DGKK: variants seen among roughly 807,000 people sequenced by gnomAD.
The protein encoded by DGKK is 142 kDa diacylglycerol kinase.
In DGKK, 35 loss-of-function variants were observed where a neutral mutation model predicts 92.2. That is an observed-to-expected ratio of 0.38 (90% confidence interval 0.29 to 0.50). The LOEUF is 0.50. Ranked by LOEUF, DGKK falls within the 20% of genes least tolerant of loss-of-function variation. The pLI, the probability that DGKK is intolerant of heterozygous loss-of-function variation, is 0.92. For synonymous variants in DGKK, 368 were observed against 360.6 expected, an observed-to-expected ratio of 1.02 and a Z score of -0.23; for missense variants, 910 against 992.2, an observed-to-expected ratio of 0.92 and a Z score of 1.11.
At chrX:50,395,972 G>A (rs1299420778) in intron 8 of DGKK, among the ~76,000 whole-genome samples, 1 of 111,127 alleles carries the variant, frequency 9.0e-6, no homozygotes, top group Non-Finnish European at 1.9e-5. Context: ...CCATTTCTTG[G>A]AATTTTTCAT....
In DGKK at chrX:50,457,610, G is replaced by T. The variant is rs782323788; in HGVS notation, c.645+12424C>A. 4.5e-5 allele frequency among the ~76,000 whole-genome samples: 5 copies of T among 111,351 alleles called. No homozygotes were observed. The East Asian group carries it at 1.4e-3, about 32-fold the overall frequency. On this transcript the variant is annotated intron_variant, in intron 1 of 27. Coordinates refer to ENST00000611977, the MANE Select transcript of DGKK (RefSeq NM_001013742.4). ...AAATTCTAAATAAATAATAAACAAC[G>T]GATTAAAGTTATGTAGAATTAGCTC...
chrX:50,405,352 T>C (rs1249930673), intron 4 of DGKK, among the ~76,000 whole-genome samples: 1 of 111,870 alleles, frequency 8.9e-6, no homozygotes, highest in East Asian at 2.8e-4. Flanking sequence ...TCTTACACCT[T>C]TTCACTAATT....
intron 20 of DGKK, 124 bp downstream of exon 20, chrX:50,379,503 G>C: frequency 1.8e-6 from 1 of 548,399 alleles, no homozygotes; most frequent in Non-Finnish European, 3.0e-6. Context: ...GCTAATAAAG[G>C]TTCTCGGACC....
intron 22 of DGKK, 25 bp from the exon 23 acceptor site, chrX:50,376,943 C>A: frequency 2.6e-6 from 3 of 1,163,130 alleles, no homozygotes; most frequent in Non-Finnish European, 3.5e-6. Flanking sequence ...AGTGGCATAT[C>A]CTAATGATTG....
At chrX:50,462,387 G>T (rs986790877) in intron 1 of DGKK, among the ~76,000 whole-genome samples, 3 of 90,346 alleles carry the variant, frequency 3.3e-5, no homozygotes, top group Non-Finnish European at 6.3e-5. Flanking sequence ...GGAGAAGTGA[G>T]TGCTTTTTTT....
At chrX:50,370,904 T>A (rs782515323) in intron 26 of DGKK, among the ~76,000 whole-genome samples, 1 of 112,397 alleles carries the variant, frequency 8.9e-6, no homozygotes, top group African/African-American at 3.2e-5. Context: ...ATTAGAAGGA[T>A]GAGATTGCTA....
At chrX:50,443,712 G>A (rs1393854089) in intron 1 of DGKK, among the ~76,000 whole-genome samples, 1 of 108,570 alleles carries the variant, frequency 9.2e-6, no homozygotes, top group Non-Finnish European at 1.9e-5. Context: ...TTTTGTGTGT[G>A]TGTGTGTGTG....
intron 4 of DGKK, among the ~76,000 whole-genome samples, chrX:50,413,978 A>G (rs1166944909): frequency 1.8e-5 from 2 of 112,295 alleles, no homozygotes; most frequent in African/African-American, 3.2e-5. Flanking sequence ...CAACAAATGA[A>G]TGATTAAATA....
chrX:50,388,597 C>A lies in DGKK; in HGVS notation c.1948G>T (p.Glu650Ter). ...RFEAAAIQHL[E>*]SAATELNKIL... is the part of the protein sequence containing the mutation. ...TTGTTCAACTCGGTGGCTGCAGATT[C>A]TAAGTGTTGGATGGCAGCAGCCTAG... The change falls in exon 13 of 28, where the codon GAA becomes TAA. Residue 650 changes from glutamate (E) to a stop codon, truncating the protein, a stop_gained. Transcript: ENST00000611977. LOFTEE classifies it high-confidence loss of function. 8.3e-7 allele frequency: 1 copy of A among 1,206,504 alleles called. No individual in the cohort carries two copies. The highest frequency in any genetic ancestry group is 1.1e-6 in the Non-Finnish European group (1 of 892,638).
intron 1 of DGKK, among the ~76,000 whole-genome samples, chrX:50,433,848 A>T: frequency 9.0e-6 from 1 of 111,198 alleles, no homozygotes; most frequent in Non-Finnish European, 1.9e-5. Context: ...GGTCACACAA[A>T]GTTCCTCCAA....
At chrX:50,445,547 C>T (rs782114204) in intron 1 of DGKK, among the ~76,000 whole-genome samples, 26 of 111,113 alleles carry the variant, frequency 2.3e-4, no homozygotes, top group Non-Finnish European at 4.7e-4. Context: ...AGTCTTTTCC[C>T]TATTGCTTGT....
intron 14 of DGKK, 85 bp downstream of exon 14, chrX:50,387,469 C>A: frequency 1.4e-6 from 1 of 708,432 alleles, no homozygotes; most frequent in Non-Finnish European, 2.1e-6. Flanking sequence ...TTTACCATTC[C>A]CAGTGAGAGG....
intron 1 of DGKK, among the ~76,000 whole-genome samples, chrX:50,440,888 A>T (rs1410622549): frequency 8.0e-5 from 9 of 112,139 alleles, no homozygotes; most frequent in African/African-American, 2.9e-4. Context: ...AATGTGGGGA[A>T]GTGAGTATAG....
At chrX:50,396,051 T>G (rs1269607379) in intron 8 of DGKK, among the ~76,000 whole-genome samples, 1 of 112,160 alleles carries the variant, frequency 8.9e-6, no homozygotes, top group East Asian at 2.8e-4. Context: ...AGCAAAAGAC[T>G]GAAAACTACT....
At chrX:50,429,927 A>C (rs1161384466) in intron 1 of DGKK, among the ~76,000 whole-genome samples, 9 of 112,239 alleles carry the variant, frequency 8.0e-5, no homozygotes, top group Middle Eastern at 4.6e-3. Flanking sequence ...GCTTCTCATC[A>C]GCCCTCTGAA....
chrX:50,466,793 A>G (rs1462216379), intron 1 of DGKK, among the ~76,000 whole-genome samples: 1 of 111,977 alleles, frequency 8.9e-6, no homozygotes, highest in African/African-American at 3.3e-5. Context: ...ACCAGATATC[A>G]TATAAACAAA....
chrX:50,368,309 C>T lies in DGKK; in HGVS notation c.*631G>A, dbSNP rs910240752. The T allele has an allele frequency of 2.1e-4, 23 of 110,626 alleles. No individual in the cohort carries two copies. Among genetic ancestry groups the T allele is most frequent in the African/African-American group, 6.6e-4 (20 of 30,323 alleles). The allele number at this position is 110,626 out of a possible 1,213,427, so 9.1% of individuals were successfully genotyped here. A position where few individuals can be genotyped will look rare whatever the true frequency, so the allele number is the denominator to read the frequency against. ...AGACATACAAGCACACATAGAAAAA[C>T]GCAAAGGGTTTGCAGAGAGAGAGAG... is the stretch of plus-strand genomic sequence containing the variant. On this transcript the variant is annotated 3_prime_UTR_variant, in exon 28 of 28. Transcript: ENST00000611977.
chrX:50,382,430 G>T (rs1315124258), intron 18 of DGKK, 66 bp downstream of exon 18: 1 of 774,904 alleles, frequency 1.3e-6, no homozygotes, highest in East Asian at 3.3e-5. Context: ...GGTAGAGAAT[G>T]TAGGAATACG....
chrX:50,449,776 C>T (rs1216038954), intron 1 of DGKK, among the ~76,000 whole-genome samples: 1 of 111,800 alleles, frequency 8.9e-6, no homozygotes, highest in Non-Finnish European at 1.9e-5. Flanking sequence ...TCTCCAGCTA[C>T]AGTACTTTAA....
Sources: gnomAD v4.1 joint callset for allele counts (sites outside exome capture counted in the v4.1 genomes callset) on GRCh38, gnomAD v4.1.1 for gene constraint, MANE v1.5 for transcripts, NCBI Gene and HGNC (gene_info 2026-07-23, HGNC 2026-07-21) for gene names.